The following TRIP12 variants were observed in gnomAD, a reference collection of about 807,000 sequenced individuals.
The protein encoded by TRIP12 is E3 ubiquitin-protein ligase TRIP12.
A neutral mutation model predicts 244.2 loss-of-function variants in TRIP12; 25 were observed. The ratio of observed to expected loss-of-function variants is 0.10; its 90% confidence interval spans 0.07 to 0.14. The LOEUF (loss-of-function observed/expected upper bound fraction) is 0.14. Among genes scored for constraint, TRIP12 ranks in the 10% least tolerant of loss-of-function variants. TRIP12 has a pLI of 1.00. For missense variants in TRIP12, 1,677 were observed against 2,486.4 expected (o/e 0.67, Z 6.92); for synonymous variants, 905 against 873.1 (o/e 1.04, Z -0.64).
chr2:229,897,641 C>T (rs960422449), intron 1 of TRIP12, among the ~76,000 whole-genome samples: 1 of 152,182 alleles, frequency 6.6e-6, no homozygotes, highest in Admixed American at 6.5e-5. Context: ...AGTGAGACTC[C>T]GTCTCTAAAT....
chr2:229,871,587 T>C (rs2062613851), intron 2 of TRIP12, among the ~76,000 whole-genome samples: 1 of 152,116 alleles, frequency 6.6e-6, no homozygotes, highest in Admixed American at 6.5e-5. Flanking sequence ...GATTTTAAGC[T>C]CCCTGAGGCC....
chr2:229,882,631 G>A (rs2065108792), intron 1 of TRIP12, among the ~76,000 whole-genome samples: 1 of 152,192 alleles, frequency 6.6e-6, no homozygotes, highest in South Asian at 2.1e-4. Context: ...AGCAAGGACA[G>A]ATACAAGAGA....
intron 1 of TRIP12, among the ~76,000 whole-genome samples, chr2:229,889,104 G>A (rs1009637236): frequency 7.2e-5 from 11 of 152,278 alleles, no homozygotes; most frequent in South Asian, 4.1e-4. Flanking sequence ...ACAGGATCCC[G>A]CAGGGGGAAA....
At chr2:229,782,955 G>T (rs1422628413) in intron 34 of TRIP12, among the ~76,000 whole-genome samples, 1 of 152,162 alleles carries the variant, frequency 6.6e-6, no homozygotes, top group African/African-American at 2.4e-5. Context: ...TGAAAGAAGA[G>T]GGGGGAAGTA....
chr2:229,875,101 G>C (rs897267213), intron 2 of TRIP12, among the ~76,000 whole-genome samples: 15 of 152,050 alleles, frequency 9.9e-5, no homozygotes, highest in Admixed American at 9.8e-4. Flanking sequence ...GAAAAGAGAG[G>C]AACAGGTCAG....
At position 229,840,430 on chromosome 2, in the gene TRIP12, G is replaced by A. The variant is rs536622002; in HGVS notation, c.1133+392C>T. On this transcript the variant is annotated intron_variant, in intron 5 of 41. Transcript: ENST00000675903. The stretch of plus-strand genomic sequence containing the variant: ...TAATTTTTTAAAAATCATCGGGCAC[G>A]GTGGCTCACGCCTGTAATCCCAGCA... 3.7e-4 allele frequency among the ~76,000 whole-genome samples: 57 copies of A among 152,220 alleles called. 1 individual carries two copies. Among genetic ancestry groups the A allele is most frequent in the African/African-American group, 1.2e-3 (48 of 41,526 alleles).
chr2:229,846,694 T>C (rs1346144449), intron 4 of TRIP12, among the ~76,000 whole-genome samples: 1 of 152,198 alleles, frequency 6.6e-6, no homozygotes, highest in African/African-American at 2.4e-5. Flanking sequence ...AAAAGTAATC[T>C]ATGAGGTTAT....
intron 4 of TRIP12, among the ~76,000 whole-genome samples, chr2:229,848,424 A>G (rs2058025756): frequency 6.6e-6 from 1 of 151,716 alleles, no homozygotes; most frequent in Admixed American, 6.6e-5. Context: ...CAAACGCATG[A>G]TTCTATAAAC....
chr2:229,816,007 A>C (rs2154283125), intron 9 of TRIP12, among the ~76,000 whole-genome samples: 1 of 152,156 alleles, frequency 6.6e-6, no homozygotes, highest in Non-Finnish European at 1.5e-5. Flanking sequence ...GAGGATACAC[A>C]CTCTGTCCTC....
Position 229,808,243 on chromosome 2 carries a change from A to C in TRIP12, c.2339+9T>G. 6.2e-7 allele frequency: 1 copy of C among 1,602,408 alleles called. No individual in the cohort carries two copies. On this transcript the variant is annotated intron_variant, in intron 16 of 41. Transcript: ENST00000675903. The stretch of plus-strand genomic sequence containing the variant: ...GGCCTCCCAAAGTGATATTTAGCCC[A>C]ATCTTTACCAAATCAGAGATGTCAG...
At chr2:229,865,318 C>CAAAAAAA (rs767610234) in intron 2 of TRIP12, among the ~76,000 whole-genome samples, 2 of 66,976 alleles carry the variant, frequency 3.0e-5, no homozygotes, top group Admixed American at 1.6e-4. Flanking sequence ...CTCTCAACTA[C>CAAAAAAA]AAAAAAAAAA....
intron 1 of TRIP12, among the ~76,000 whole-genome samples, chr2:229,920,998 C>CTTTA (rs1046726153): frequency 1.3e-5 from 2 of 152,166 alleles, no homozygotes; most frequent in African/African-American, 4.8e-5. Context: ...AATGCTAATA[C>CTTTA]GATTGGGGTG....
At chr2:229,770,317 G>GA (rs758101926) in intron 39 of TRIP12, among the ~76,000 whole-genome samples, 1 of 152,222 alleles carries the variant, frequency 6.6e-6, no homozygotes, top group East Asian at 1.9e-4. Flanking sequence ...TTTTACAGAT[G>GA]AAACAGTCCT....
At chr2:229,798,823 T>C in intron 23 of TRIP12, 52 bp downstream of exon 23, 1 of 1,589,028 alleles carries the variant, frequency 6.3e-7, no homozygotes, top group Non-Finnish European at 8.6e-7. Flanking sequence ...AAATAATGTT[T>C]AAGTTTTTCT....
chr2:229,857,751 A>T (rs1165274104), intron 4 of TRIP12, among the ~76,000 whole-genome samples: 2 of 152,224 alleles, frequency 1.3e-5, no homozygotes, highest in Admixed American at 1.3e-4. Context: ...GTTCCTGGAT[A>T]TCTCCAAAAC....
At position 229,796,791 on chromosome 2, in the gene TRIP12, G is replaced by A. The variant is rs2042914949; in HGVS notation, c.3625-9C>T. ...TCAGCTCCACCATCCACCTGAAAGA[G>A]TTAGGAAAAGTATTTCTATATTGAT... On this transcript the variant is annotated splice_polypyrimidine_tract_variant and intron_variant, in intron 24 of 41. Transcript: ENST00000675903. 6.5e-7 allele frequency: 1 copy of A among 1,543,758 alleles called. No homozygotes were observed. Among genetic ancestry groups the A allele is most frequent in the African/African-American group, 1.4e-5 (1 of 71,842 alleles).
chr2:229,766,665 T>G lies in TRIP12; in HGVS notation c.*889A>C, dbSNP rs1481830485. ...GCTTATTTTGTTTAAAAAATTTACA[T>G]TAATTTAAAATCCTCTGGCCACAGA... On this transcript the variant is annotated 3_prime_UTR_variant, in exon 42 of 42. Transcript: ENST00000675903. 1 of 152,238 alleles carries G rather than the reference T, an allele frequency of 6.6e-6. No homozygotes were observed. Among genetic ancestry groups the G allele is most frequent in the Admixed American group, 6.5e-5 (1 of 15,286 alleles). The allele number at this position is 152,238 out of a possible 1,614,324, so 9.4% of individuals were successfully genotyped here.
At chr2:229,915,206 T>C (rs573850259) in intron 1 of TRIP12, among the ~76,000 whole-genome samples, 5 of 152,196 alleles carry the variant, frequency 3.3e-5, no homozygotes, top group South Asian at 4.2e-4. Context: ...TGAGCCAAGA[T>C]TGCGCCACTG....
intron 33 of TRIP12, 32 bp from the exon 34 acceptor site, chr2:229,785,887 T>C: frequency 6.3e-7 from 1 of 1,576,516 alleles, no homozygotes; most frequent in Non-Finnish European, 8.6e-7. Flanking sequence ...CAGGAAACTA[T>C]GCTCTACCCA....
Sources: allele counts gnomAD v4.1 joint callset (sites outside exome capture counted in the v4.1 genomes callset), GRCh38; gene constraint gnomAD v4.1.1; transcripts MANE v1.5; gene names NCBI Gene and HGNC (gene_info 2026-07-23, HGNC 2026-07-21).